The following TBC1D5 variants were observed in gnomAD, a reference collection of about 807,000 sequenced individuals.
TBC1D5 encodes TBC1 domain family member 5, also known as TBC1 domain family, member 5.
Under a neutral mutation model 100.3 loss-of-function variants are expected in TBC1D5, and 75 were observed. The observed-to-expected ratio is 0.75, with a 90% confidence interval of 0.62 to 0.91. The LOEUF (loss-of-function observed/expected upper bound fraction) is 0.91. Ranked by LOEUF, TBC1D5 falls within the 40% of genes least tolerant of loss-of-function variation. The pLI, the probability that TBC1D5 is intolerant of heterozygous loss-of-function variation, is 0.00. For missense variants in TBC1D5, 910 were observed against 942.4 expected (o/e 0.97, Z 0.45); for synonymous variants, 323 against 325.6 (o/e 0.99, Z 0.09).
At chr3:17,247,789 C>T (rs1038422328) in intron 16 of TBC1D5, among the ~76,000 whole-genome samples, 1 of 152,162 alleles carries the variant, frequency 6.6e-6, no homozygotes, top group Non-Finnish European at 1.5e-5. Flanking sequence ...AAATGCTTTG[C>T]TGTCATTTCA....
At chr3:17,305,591 T>C (rs1423082351) in intron 14 of TBC1D5, among the ~76,000 whole-genome samples, 1 of 152,202 alleles carries the variant, frequency 6.6e-6, no homozygotes, top group Non-Finnish European at 1.5e-5. Flanking sequence ...TTTTCAAATC[T>C]TTAGGTTACA....
intron 2 of TBC1D5, among the ~76,000 whole-genome samples, chr3:17,618,991 C>T (rs2062424924): frequency 6.6e-6 from 1 of 152,194 alleles, no homozygotes; most frequent in African/African-American, 2.4e-5. Context: ...ATTCATCACA[C>T]TTGGAGCTGC....
chr3:17,511,054 T>C (rs1451527736), intron 2 of TBC1D5, among the ~76,000 whole-genome samples: 1 of 152,016 alleles, frequency 6.6e-6, no homozygotes, highest in Non-Finnish European at 1.5e-5. Flanking sequence ...TATAAAAAGA[T>C]GCAGCCTATG....
intron 2 of TBC1D5, among the ~76,000 whole-genome samples, chr3:17,608,440 T>C (rs1343201357): frequency 6.6e-6 from 1 of 152,168 alleles, no homozygotes; most frequent in Admixed American, 6.5e-5. Flanking sequence ...CCCAAGAGGA[T>C]CTATAGGCAC....
intron 3 of TBC1D5, among the ~76,000 whole-genome samples, chr3:17,470,609 G>T (rs1188448687): frequency 1.3e-5 from 2 of 152,116 alleles, no homozygotes; most frequent in Non-Finnish European, 2.9e-5. Context: ...GCACTACTGT[G>T]AGAAATCTGA....
Position 17,606,984 on chromosome 3 carries a change from CAA to C in TBC1D5, c.-36+16863_-36+16864del, listed in dbSNP as rs556174630. Among the ~76,000 whole-genome samples, 18 of 152,012 alleles carry C rather than the reference CAA, an allele frequency of 1.2e-4. 1 individual carries two copies. In the South Asian group the frequency reaches 3.7e-3, roughly 32 times the overall value. Reference sequence around the variant, plus strand: ...TTTACAATAATTAGTTCGATTTTACCAAAGAGAATAATTAGCCATGGTTTAAA... The same window carrying C: ...TTTACAATAATTAGTTCGATTTTACCAGAGAATAATTAGCCATGGTTTAAA... On this transcript the variant is annotated intron_variant, in intron 2 of 21. Coordinates refer to ENST00000253692, the Ensembl canonical transcript of TBC1D5.
intron 3 of TBC1D5, among the ~76,000 whole-genome samples, chr3:17,442,816 T>G (rs2094695770): frequency 6.6e-6 from 1 of 151,844 alleles, no homozygotes. Flanking sequence ...AACTGTGGTC[T>G]GAACTTAACT....
chr3:17,394,392 C>T (rs1355159670), intron 8 of TBC1D5, among the ~76,000 whole-genome samples: 1 of 152,060 alleles, frequency 6.6e-6, no homozygotes, highest in Non-Finnish European at 1.5e-5. Flanking sequence ...GGTACCATTT[C>T]CATTTTGGCC....
chr3:17,289,709 AACC>A (rs2081532353), intron 15 of TBC1D5, among the ~76,000 whole-genome samples: 1 of 152,154 alleles, frequency 6.6e-6, no homozygotes, highest in Non-Finnish European at 1.5e-5. Flanking sequence ...AATTTAATTC[AACC>A]TCCAAATATT....
At chr3:17,320,298 A>G (rs931992336) in intron 13 of TBC1D5, among the ~76,000 whole-genome samples, 4 of 152,260 alleles carry the variant, frequency 2.6e-5, no homozygotes, top group African/African-American at 9.6e-5. Context: ...CATCAGCATC[A>G]CATGAAAATT....
intron 1 of TBC1D5, among the ~76,000 whole-genome samples, chr3:17,707,797 A>C (rs2074323095): frequency 6.6e-6 from 1 of 152,190 alleles, no homozygotes. Context: ...GAACAGGAAG[A>C]ATTAAAAACA....
intron 13 of TBC1D5, among the ~76,000 whole-genome samples, chr3:17,342,859 A>C (rs1397356132): frequency 5.9e-5 from 9 of 152,218 alleles, no homozygotes; most frequent in Non-Finnish European, 1.3e-4. Flanking sequence ...TTTAAAGTGA[A>C]TGTATACTTT....
intron 15 of TBC1D5, among the ~76,000 whole-genome samples, chr3:17,285,209 C>T (rs544638267): frequency 2.7e-5 from 4 of 148,684 alleles, no homozygotes; most frequent in African/African-American, 4.9e-5. Flanking sequence ...GGATATAGTG[C>T]ATCATCCTCA....
chr3:17,674,441 T>G (rs1466195551), intron 1 of TBC1D5, among the ~76,000 whole-genome samples: 2 of 152,178 alleles, frequency 1.3e-5, no homozygotes, highest in Non-Finnish European at 2.9e-5. Context: ...TCAAAAAAAT[T>G]ACTACCTTGT....
At chr3:17,633,705 T>A (rs993243673) in intron 1 of TBC1D5, among the ~76,000 whole-genome samples, 4 of 152,142 alleles carry the variant, frequency 2.6e-5, no homozygotes, top group Non-Finnish European at 5.9e-5. Context: ...ATTCCAACAC[T>A]AAATATAAAT....
intron 8 of TBC1D5, among the ~76,000 whole-genome samples, chr3:17,388,081 A>C (rs113440628): frequency 4.6e-5 from 7 of 152,250 alleles, no homozygotes; most frequent in African/African-American, 1.7e-4. Flanking sequence ...AAGATTAAGT[A>C]GTCCATAATG....
intron 13 of TBC1D5, among the ~76,000 whole-genome samples, chr3:17,316,641 A>G (rs1327333306): frequency 6.6e-6 from 1 of 152,232 alleles, no homozygotes; most frequent in African/African-American, 2.4e-5. Context: ...AAAGAACAGC[A>G]TATTTCCCTT....
At chr3:17,628,416 C>G (rs2063235528) in intron 1 of TBC1D5, among the ~76,000 whole-genome samples, 1 of 151,746 alleles carries the variant, frequency 6.6e-6, no homozygotes, top group Non-Finnish European at 1.5e-5. Flanking sequence ...ATGGTAGAGC[C>G]CACAGAAGAA....
chr3:17,686,445 G>A (rs1022448576), intron 1 of TBC1D5, among the ~76,000 whole-genome samples: 1 of 132,740 alleles, frequency 7.5e-6, no homozygotes, highest in African/African-American at 2.7e-5. Context: ...TGAAGAGAAG[G>A]AAATTAACCT....
Sources: gnomAD v4.1 joint callset for allele counts (sites outside exome capture counted in the v4.1 genomes callset) on GRCh38, gnomAD v4.1.1 for gene constraint, MANE v1.5 for transcripts, NCBI Gene and HGNC (gene_info 2026-07-23, HGNC 2026-07-21) for gene names.